Variants in NPEPPS observed in about 807,000 individuals in gnomAD.
NPEPPS encodes the protein aminopeptidase puromycin sensitive.
Under a neutral mutation model 115.5 loss-of-function variants are expected in NPEPPS, and 14 were observed. The observed-to-expected ratio is 0.12, with a 90% CI of 0.08 to 0.19. The LOEUF (loss-of-function observed/expected upper bound fraction) is 0.19, where lower values mean the gene tolerates loss of function less well. Among genes scored for constraint, NPEPPS ranks in the 10% least tolerant of loss-of-function variants. NPEPPS has a pLI of 1.00. For missense variants in NPEPPS, 523 were observed against 1,110.8 expected (o/e 0.47, Z 7.52); for synonymous variants, 285 against 390.6 (o/e 0.73, Z 3.19).
At chr17:47,534,874 A>G (rs934599569) in intron 1 of NPEPPS, among the ~76,000 whole-genome samples, 4 of 151,826 alleles carry the variant, frequency 2.6e-5, no homozygotes, top group Admixed American at 1.3e-4. Context: ...CGGCCAACTT[A>G]GTGGATTTTT....
intron 1 of NPEPPS, among the ~76,000 whole-genome samples, chr17:47,532,651 T>C: frequency 8.9e-6 from 1 of 112,724 alleles, no homozygotes; most frequent in South Asian, 2.8e-4. Flanking sequence ...AGAGTGAGAC[T>C]CCGTCTCAAA....
chr17:47,549,840 A>G (rs1909508427), intron 2 of NPEPPS, among the ~76,000 whole-genome samples: 2 of 150,490 alleles, frequency 1.3e-5, no homozygotes, highest in Admixed American at 6.7e-5. Flanking sequence ...GGCCTTCCAC[A>G]TGTATGTGTA....
At chr17:47,524,497 A>G (rs1274867262) in intron 1 of NPEPPS, among the ~76,000 whole-genome samples, 1 of 149,118 alleles carries the variant, frequency 6.7e-6, no homozygotes, top group African/African-American at 2.5e-5. Flanking sequence ...CTAATTAAAA[A>G]CATTTTTTTT....
At chr17:47,527,832 C>T (rs1907500611), upstream of NPEPPS, among the ~76,000 whole-genome samples, 1 of 151,192 alleles carries the variant, frequency 6.6e-6, no homozygotes, top group Admixed American at 6.6e-5. Flanking sequence ...ACCTATAATC[C>T]CAGCTACTTA....
intron 1 of NPEPPS, among the ~76,000 whole-genome samples, chr17:47,540,282 T>C (rs1348140913): frequency 2.0e-5 from 3 of 151,840 alleles, no homozygotes; most frequent in Admixed American, 2.0e-4. Context: ...AGTAGAAAAA[T>C]TGAAAATGAG....
upstream of NPEPPS, among the ~76,000 whole-genome samples, chr17:47,526,361 G>A (rs1488952718): frequency 6.6e-6 from 1 of 152,204 alleles, no homozygotes; most frequent in Non-Finnish European, 1.5e-5. Flanking sequence ...TGGAAAAGGT[G>A]AGTGTTGAAG....
At chr17:47,548,636 A>C (rs78551919) in intron 2 of NPEPPS, among the ~76,000 whole-genome samples, 74,480 of 143,720 alleles carry the variant, frequency 0.52, 19,508 homozygotes, top group East Asian at 0.66. Flanking sequence ...CTCTGTCGCC[A>C]AACGATCTCG....
chr17:47,590,982 A>G (rs980349458), intron 10 of NPEPPS, 101 bp downstream of exon 10: 4 of 1,475,206 alleles, frequency 2.7e-6, no homozygotes, highest in Non-Finnish European at 1.8e-6. Flanking sequence ...ATAAGAGAAA[A>G]TAGCATGGGT....
rs1200949264 is a variant in NPEPPS at position 47,605,314 on chromosome 17, A to G, written c.1876-19A>G. 6.4e-7 allele frequency: 1 copy of G among 1,551,728 alleles called. No individual in the cohort carries two copies. The highest frequency in any genetic ancestry group is 1.2e-5 in the South Asian group (1 of 82,322). On this transcript the variant is annotated intron_variant, in intron 16 of 22. Coordinates refer to ENST00000322157, the MANE Select transcript of NPEPPS (RefSeq NM_006310.4). The stretch of plus-strand genomic sequence containing the variant: ...TTTTGTTTGAAGACTAGGTTAATTT[A>G]TGTTTTTTCCTATCCCAGGCTCGAG...
intron 2 of NPEPPS, among the ~76,000 whole-genome samples, chr17:47,560,512 T>G (rs1280296810): frequency 6.6e-6 from 1 of 152,242 alleles, no homozygotes; most frequent in Non-Finnish European, 1.5e-5. Flanking sequence ...TAGGTACTGC[T>G]TGAACTGTAA....
intron 2 of NPEPPS, among the ~76,000 whole-genome samples, chr17:47,550,433 T>G (rs1230040016): frequency 2.0e-5 from 3 of 150,816 alleles, no homozygotes; most frequent in Non-Finnish European, 3.0e-5. Flanking sequence ...TTTTTTTTTT[T>G]TTGTTTTAAA....
At chr17:47,590,658 A>G in intron 9 of NPEPPS, 59 bp from the exon 10 acceptor site, 1 of 1,543,736 alleles carries the variant, frequency 6.5e-7, no homozygotes, top group African/African-American at 1.4e-5. Context: ...TGAGTGTTTT[A>G]GATTAGTAGA....
At chr17:47,540,623 C>T (rs1336213352) in intron 1 of NPEPPS, among the ~76,000 whole-genome samples, 4 of 152,166 alleles carry the variant, frequency 2.6e-5, no homozygotes, top group East Asian at 1.9e-4. Context: ...CCATATAATA[C>T]AATACATAGT....
At chr17:47,537,391 C>A (rs1454619321) in intron 1 of NPEPPS, among the ~76,000 whole-genome samples, 3 of 151,932 alleles carry the variant, frequency 2.0e-5, no homozygotes, top group Non-Finnish European at 4.4e-5. Flanking sequence ...GGCCCTTAGA[C>A]ATTTTTAAAA....
chr17:47,565,031 A>G (rs1268270356), intron 2 of NPEPPS, among the ~76,000 whole-genome samples: 1 of 152,194 alleles, frequency 6.6e-6, no homozygotes, highest in Non-Finnish European at 1.5e-5. Context: ...CTGAACACAC[A>G]CTATGTGCCA....
chr17:47,535,111 C>T (rs1233332259), intron 1 of NPEPPS, among the ~76,000 whole-genome samples: 1 of 148,490 alleles, frequency 6.7e-6, no homozygotes, highest in African/African-American at 2.5e-5. Flanking sequence ...GGCGTGGTGG[C>T]GGGAGCCTGT....
chr17:47,594,432 C>A (rs1242210806), intron 12 of NPEPPS, among the ~76,000 whole-genome samples: 2 of 134,472 alleles, frequency 1.5e-5, no homozygotes, highest in Non-Finnish European at 3.1e-5. Context: ...TTTTTTGAGA[C>A]AGAGTTTCGC....
intron 17 of NPEPPS, 63 bp downstream of exon 17, chr17:47,605,615 C>A: frequency 1.0e-6 from 1 of 985,784 alleles, no homozygotes; most frequent in Non-Finnish European, 1.5e-6. Flanking sequence ...ATGTGGTTAA[C>A]AATATAATTA....
Position 47,601,747 on chromosome 17 carries a change from G to A in NPEPPS, c.1740G>A (p.Lys580=). The change falls in exon 15 of 23, where the codon AAG becomes AAA. Residue 580 remains lysine (K), a splice_region_variant and synonymous_variant. Coordinates refer to ENST00000322157, the MANE Select transcript of NPEPPS (RefSeq NM_006310.4). ...LKNVKPDQWV[K]LNLGTVGFYR... Reference sequence around the variant, plus strand: ...ATGTCAAACCAGACCAATGGGTGAAGGTGAGTTCAGAATCTTACCTAAACA... The same window carrying A: ...ATGTCAAACCAGACCAATGGGTGAAAGTGAGTTCAGAATCTTACCTAAACA... 6.2e-7 allele frequency: 1 copy of A among 1,613,184 alleles called. No individual in the cohort carries two copies.
Sources: gnomAD v4.1 joint callset for allele counts (sites outside exome capture counted in the v4.1 genomes callset) on GRCh38, gnomAD v4.1.1 for gene constraint, MANE v1.5 for transcripts, NCBI Gene and HGNC (gene_info 2026-07-23, HGNC 2026-07-21) for gene names.